IBTK: variants seen among roughly 807,000 people sequenced by gnomAD.
IBTK encodes the protein inhibitor of Bruton tyrosine kinase.
Under a neutral mutation model 154.9 loss-of-function variants are expected in IBTK, and 83 were observed. The ratio of observed to expected loss-of-function variants is 0.54; its 90% confidence interval spans 0.45 to 0.64. The LOEUF is 0.64. Ranked by LOEUF, IBTK falls within the 30% of genes least tolerant of loss-of-function variation. The pLI is 0.00. For missense variants in IBTK, 1,332 were observed against 1,584.6 expected (o/e 0.84, Z 2.71); for synonymous variants, 515 against 536.1 (o/e 0.96, Z 0.54).
intron 2 of IBTK, among the ~76,000 whole-genome samples, chr6:82,238,420 T>G (rs1770815094): frequency 6.6e-6 from 1 of 152,062 alleles, no homozygotes; most frequent in Admixed American, 6.5e-5. Context: ...AAAGAAAATT[T>G]TATATAAATT....
intron 26 of IBTK, among the ~76,000 whole-genome samples, chr6:82,176,782 T>C (rs1047698988): frequency 5.3e-5 from 8 of 152,194 alleles, no homozygotes; most frequent in South Asian, 2.1e-4. Context: ...ATTTGTGGAA[T>C]TTCCTGAGAT....
intron 18 of IBTK, 59 bp from the exon 19 acceptor site, chr6:82,201,541 TTGCTTA>T: frequency 3.4e-6 from 4 of 1,188,590 alleles, no homozygotes; most frequent in East Asian, 2.4e-5. Flanking sequence ...AACTGTCAAG[TTGCTTA>T]CATACGTAGA....
intron 22 of IBTK, 106 bp downstream of exon 22, chr6:82,196,192 C>T (rs1237425737): frequency 1.1e-6 from 1 of 910,872 alleles, no homozygotes; most frequent in Non-Finnish European, 1.6e-6. Flanking sequence ...TATATACCAA[C>T]CTGGAAACTG....
At chr6:82,219,267 G>A (rs978321887) in intron 9 of IBTK, among the ~76,000 whole-genome samples, 1 of 152,066 alleles carries the variant, frequency 6.6e-6, no homozygotes, top group Admixed American at 6.6e-5. Flanking sequence ...TCTTCCTGAT[G>A]TAGAGCTCTA....
In IBTK at chr6:82,211,384, T is replaced by A; in HGVS notation, c.2395A>T (p.Ser799Cys). The A allele has an allele frequency of 6.2e-7, 1 of 1,608,574 alleles. No individual in the cohort carries two copies. Among genetic ancestry groups the A allele is most frequent in the Non-Finnish European group, 8.5e-7 (1 of 1,177,968 alleles). Residue 799 changes from serine to cysteine, a missense_variant, in exon 15 of 29, where the codon AGT becomes TGT. By Grantham distance (112) the Ser-to-Cys change is moderately radical. This residue lies in a region of IBTK where 1,134 missense variants were observed against 1,274.7 expected (regional missense o/e 0.89). Coordinates refer to ENST00000306270, the MANE Select transcript of IBTK (RefSeq NM_015525.4). Reference sequence around the variant, plus strand: ...AATCTTACCTCAATCCATGAGCTACTCAGCATACTATGAAAATATTCTAAA... The same window carrying A: ...AATCTTACCTCAATCCATGAGCTACACAGCATACTATGAAAATATTCTAAA... ...ARLEYFHSML[S>C]SSWIEASSCA...
Position 82,210,827 on chromosome 6 carries a change from A to T in IBTK, c.2496T>A (p.Ala832=). 2.7e-6 allele frequency: 4 copies of T among 1,486,820 alleles called. No homozygotes were observed. Among genetic ancestry groups the T allele is most frequent in the Non-Finnish European group, 3.7e-6 (4 of 1,095,814 alleles). 92.1% of individuals were successfully genotyped at this position (1,486,820 alleles called of 1,614,324 possible). The change falls in exon 16 of 29, where the codon GCT becomes GCA. Residue 832 remains alanine (A), a synonymous_variant. Transcript: ENST00000306270. ...TCTTATTAATACCTTTTATCACCAC[A>T]GCTTCATCAGTATAGAGGTAGTCCA... ...VILDYLYTDE[A]VVIKESQNVD... is the part of the protein sequence containing the mutation.
At position 82,191,116 on chromosome 6, in the gene IBTK, C is replaced by G; in HGVS notation, c.3532G>C (p.Val1178Leu). ...NNSGMNSMET[V>L]LFTPSKAPKP... is the part of the protein sequence containing the mutation. ...GGGGCTTTTGAAGGAGTGAATAAAA[C>G]TGTTTCCATGCTATTCATTCCTGAA... The change falls in exon 25 of 29, where the codon GTT (valine) becomes CTT (leucine). Residue 1178 changes from valine (V) to leucine (L), a missense_variant. Physicochemically the swap from Val to Leu is conservative, Grantham distance 32. Coordinates refer to ENST00000306270, the MANE Select transcript of IBTK (RefSeq NM_015525.4). The G allele has an allele frequency of 6.2e-7, 1 of 1,600,502 alleles. No homozygotes were observed. The highest frequency in any genetic ancestry group is 8.5e-7 in the Non-Finnish European group (1 of 1,172,480).
intron 25 of IBTK, among the ~76,000 whole-genome samples, chr6:82,184,498 A>G (rs1768468442): frequency 6.6e-6 from 1 of 152,258 alleles, no homozygotes. Context: ...TATTTCTCCA[A>G]GTGAAACATT....
chr6:82,192,655 G>A (rs1319188546), intron 23 of IBTK, among the ~76,000 whole-genome samples: 2 of 151,566 alleles, frequency 1.3e-5, no homozygotes, highest in African/African-American at 2.4e-5. Context: ...GCTGAGGCAG[G>A]AGAACCGCTT....
At chr6:82,221,081 C>G (rs990390768) in intron 8 of IBTK, among the ~76,000 whole-genome samples, 3 of 152,096 alleles carry the variant, frequency 2.0e-5, no homozygotes, top group African/African-American at 7.2e-5. Flanking sequence ...AATCCCAGCA[C>G]TTTGGGAGGC....
intron 1 of IBTK, among the ~76,000 whole-genome samples, chr6:82,246,031 T>C (rs1251755849): frequency 6.6e-6 from 1 of 152,188 alleles, no homozygotes; most frequent in African/African-American, 2.4e-5. Context: ...CCTGTAAATA[T>C]GATCACTTTC....
chr6:82,213,022 CAA>C, intron 12 of IBTK, among the ~76,000 whole-genome samples: 1 of 145,770 alleles, frequency 6.9e-6, no homozygotes, highest in East Asian at 2.0e-4. Flanking sequence ...AGCCATAGCA[CAA>C]AGTTTTTCCT....
intron 26 of IBTK, among the ~76,000 whole-genome samples, chr6:82,179,096 G>A (rs1215468860): frequency 6.6e-6 from 1 of 152,216 alleles, no homozygotes; most frequent in African/African-American, 2.4e-5. Flanking sequence ...TGGTGGCCCA[G>A]GTGAAGTATC....
intron 26 of IBTK, among the ~76,000 whole-genome samples, chr6:82,177,962 A>G (rs1215306232): frequency 1.3e-5 from 2 of 152,210 alleles, no homozygotes; most frequent in African/African-American, 2.4e-5. Flanking sequence ...TTCTACTTTT[A>G]TATATACCCA....
chr6:82,198,238 G>A (rs1388694110), intron 21 of IBTK, among the ~76,000 whole-genome samples: 1 of 151,996 alleles, frequency 6.6e-6, no homozygotes, highest in African/African-American at 2.4e-5. Flanking sequence ...TTAGGTGACT[G>A]GAAAGTCATT....
chr6:82,191,438 CAAGT>C (rs1662007885), intron 24 of IBTK: 1 of 564,038 alleles, frequency 1.8e-6, no homozygotes, highest in African/African-American at 1.9e-5. Context: ...TAACAATGAT[CAAGT>C]AATAGCTACA....
At chr6:82,211,619 T>G in intron 13 of IBTK, 47 bp from the exon 14 acceptor site, 1 of 1,473,466 alleles carries the variant, frequency 6.8e-7, no homozygotes, top group Admixed American at 1.7e-5. Flanking sequence ...CTTTACATAT[T>G]TAGTGAAAAA....
chr6:82,221,183 G>A (rs1770087498), intron 8 of IBTK, among the ~76,000 whole-genome samples: 1 of 152,122 alleles, frequency 6.6e-6, no homozygotes, highest in South Asian at 2.1e-4. Flanking sequence ...AATCAGCCGG[G>A]CATGGTGATG....
chr6:82,201,902 T>C (rs1769224645), intron 18 of IBTK, among the ~76,000 whole-genome samples: 1 of 152,062 alleles, frequency 6.6e-6, no homozygotes, highest in Non-Finnish European at 1.5e-5. Context: ...ATTTTTGTAT[T>C]TTTATTAGAG....
Sources: allele counts gnomAD v4.1 joint callset (sites outside exome capture counted in the v4.1 genomes callset), GRCh38; gene constraint gnomAD v4.1.1; regional missense constraint gnomAD v4.1.1; transcripts MANE v1.5; gene names NCBI Gene and HGNC (gene_info 2026-07-23, HGNC 2026-07-21).